CTNNA2: variants seen among roughly 807,000 people sequenced by gnomAD.
CTNNA2 encodes the protein catenin alpha-2.
CTNNA2 carries 42 observed loss-of-function variants against 101.0 expected under a neutral mutation model. The ratio of observed to expected loss-of-function variants is 0.42; its 90% CI spans 0.32 to 0.54. The LOEUF is 0.54. CTNNA2 is among the 20% of genes least tolerant of loss of function. The pLI is 0.14. For synonymous variants in CTNNA2, 450 were observed against 456.4 expected (o/e 0.99, Z 0.18); for missense variants, 871 against 1,223.1 (o/e 0.71, Z 4.29).
At chr2:79,407,428 G>T (rs1678351860) in intron 4 of CTNNA2, among the ~76,000 whole-genome samples, 1 of 151,870 alleles carries the variant, frequency 6.6e-6, no homozygotes, top group Non-Finnish European at 1.5e-5. Context: ...AGAAATCACA[G>T]ATCTTATTTT....
chr2:80,005,885 T>C (rs2103987638), intron 7 of CTNNA2, among the ~76,000 whole-genome samples: 1 of 152,208 alleles, frequency 6.6e-6, no homozygotes. Flanking sequence ...ATTGAGATAT[T>C]TAATTACTTT....
intron 2 of CTNNA2, among the ~76,000 whole-genome samples, chr2:79,719,355 A>G (rs1046021415): frequency 2.6e-5 from 4 of 152,170 alleles, no homozygotes; most frequent in Admixed American, 1.3e-4. Context: ...GCTGTTGTGA[A>G]CAGTGCAGTG....
intron 3 of CTNNA2, among the ~76,000 whole-genome samples, chr2:79,801,778 G>A (rs916342077): frequency 1.3e-5 from 2 of 151,966 alleles, no homozygotes; most frequent in African/African-American, 4.8e-5. Flanking sequence ...GATCACCTGA[G>A]GTCAGGAGTT....
chr2:80,199,242 C>T (rs1707045928), intron 7 of CTNNA2, among the ~76,000 whole-genome samples: 1 of 139,496 alleles, frequency 7.2e-6, no homozygotes, highest in Non-Finnish European at 1.5e-5. Context: ...AGGAACAGTG[C>T]TAAACTCTTT....
At chr2:79,573,829 G>A (rs1008106643) in intron 1 of CTNNA2, 5 of 152,100 alleles carry the variant, frequency 3.3e-5, no homozygotes, top group Non-Finnish European at 5.9e-5. Flanking sequence ...TACTCCTCTA[G>A]GTCCTGGCAT....
chr2:79,674,438 C>G (rs1266134402), intron 2 of CTNNA2, among the ~76,000 whole-genome samples: 1 of 152,090 alleles, frequency 6.6e-6, no homozygotes, highest in East Asian at 1.9e-4. Context: ...TTTCTATTGT[C>G]TAATCCAGGA....
chr2:80,206,308 A>G (rs1402765808), intron 7 of CTNNA2, among the ~76,000 whole-genome samples: 1 of 152,222 alleles, frequency 6.6e-6, no homozygotes, highest in Non-Finnish European at 1.5e-5. Flanking sequence ...GACCCCAAGG[A>G]ATCCTTGATT....
rs1257488328 is a variant in CTNNA2 at position 79,593,891 on chromosome 2, T to G, written c.-5-57661T>G. On this transcript the variant is annotated intron_variant, in intron 1 of 18. Coordinates refer to ENST00000402739, the MANE Select transcript of CTNNA2 (RefSeq NM_001282597.3). ...CTGCCTTTCTTTTAGTTTTTTTTTT[T>G]TTTTTTTTTTTTTTGAGATGGAGTC... is the stretch of plus-strand genomic sequence containing the variant. 5.5e-3 allele frequency among the ~76,000 whole-genome samples: 658 copies of G among 120,548 alleles called. 6 individuals are homozygous for G. Among genetic ancestry groups the G allele is most frequent in the African/African-American group, 0.02 (634 of 30,986 alleles). 79.1% of individuals were successfully genotyped at this position (120,548 alleles called of 152,430 possible). A position where few individuals can be genotyped will look rare whatever the true frequency, so the allele number is the denominator to read the frequency against.
intron 8 of CTNNA2, among the ~76,000 whole-genome samples, chr2:80,405,237 C>T (rs536202926): frequency 2.6e-5 from 4 of 152,216 alleles, no homozygotes; most frequent in East Asian, 1.9e-4. Context: ...TATTGACGAT[C>T]GCTGCAATTC....
chr2:79,748,699 A>G (rs2105014439), intron 3 of CTNNA2, among the ~76,000 whole-genome samples: 1 of 152,192 alleles, frequency 6.6e-6, no homozygotes, highest in Middle Eastern at 3.4e-3. Flanking sequence ...ATTGTATTTC[A>G]TATGGCTAAA....
chr2:79,713,305 G>A (rs1322236742), intron 2 of CTNNA2, among the ~76,000 whole-genome samples: 2 of 152,148 alleles, frequency 1.3e-5, no homozygotes, highest in Non-Finnish European at 1.5e-5. Flanking sequence ...TAGCAGCCGG[G>A]AACTGTGGCT....
At chr2:79,821,828 A>G (rs141331298) in intron 3 of CTNNA2, among the ~76,000 whole-genome samples, 2,443 of 152,270 alleles carry the variant, frequency 0.016, 21 homozygotes, top group South Asian at 0.038. Flanking sequence ...TTCTGTACCT[A>G]CTACACTACA....
chr2:79,961,861 T>A (rs1215482953), intron 7 of CTNNA2, among the ~76,000 whole-genome samples: 1 of 151,884 alleles, frequency 6.6e-6, no homozygotes, highest in East Asian at 1.9e-4. Flanking sequence ...CTGTTGCCAT[T>A]TTTGTAAATT....
chr2:80,263,668 C>T (rs978291930), intron 7 of CTNNA2, among the ~76,000 whole-genome samples: 1 of 152,214 alleles, frequency 6.6e-6, no homozygotes, highest in African/African-American at 2.4e-5. Flanking sequence ...GTTCCTTAGC[C>T]ACTCTCGCCA....
At chr2:80,176,737 G>A (rs1320658527) in intron 7 of CTNNA2, among the ~76,000 whole-genome samples, 1 of 152,140 alleles carries the variant, frequency 6.6e-6, no homozygotes, top group African/African-American at 2.4e-5. Context: ...CTCCACTGTG[G>A]AGTAGTAAAC....
At chr2:79,268,657 T>A (rs1675019968) in intron 2 of CTNNA2, among the ~76,000 whole-genome samples, 1 of 152,078 alleles carries the variant, frequency 6.6e-6, no homozygotes, top group Non-Finnish European at 1.5e-5. Flanking sequence ...GGATCTGATG[T>A]TATCTCCAGC....
chr2:80,321,900 G>C lies in CTNNA2; in HGVS notation c.1057-71311G>C, dbSNP rs915547278. ...GTAGGTAATCTATACTCTAGGAAAAGCTATAGCCCTTCTGAAGATTCTCTG... is the reference window on the plus strand; with the variant it reads ...GTAGGTAATCTATACTCTAGGAAAACCTATAGCCCTTCTGAAGATTCTCTG... On this transcript the variant is annotated intron_variant, in intron 7 of 18. Transcript: ENST00000402739. Among the ~76,000 whole-genome samples, 3 of 152,118 alleles carry C rather than the reference G, an allele frequency of 2.0e-5. 1 individual carries two copies. In the South Asian group the frequency reaches 6.3e-4, roughly 32 times the overall value.
chr2:79,626,623 G>A (rs1395587351), intron 1 of CTNNA2, among the ~76,000 whole-genome samples: 5 of 96,452 alleles, frequency 5.2e-5, no homozygotes, highest in Non-Finnish European at 1.0e-4. Context: ...GTGTGTATGT[G>A]TGTGTGTGTG....
At chr2:80,016,896 T>A (rs1694188795) in intron 7 of CTNNA2, among the ~76,000 whole-genome samples, 1 of 152,166 alleles carries the variant, frequency 6.6e-6, no homozygotes. Context: ...ACAGAACAAT[T>A]TAGGAGCCTT....
Sources: allele counts gnomAD v4.1 joint callset (sites outside exome capture counted in the v4.1 genomes callset), GRCh38; gene constraint gnomAD v4.1.1; transcripts MANE v1.5; gene names NCBI Gene and HGNC (gene_info 2026-07-23, HGNC 2026-07-21).